The following TXNDC12 variants were observed in gnomAD, a reference collection of about 807,000 sequenced individuals.
TXNDC12 encodes thioredoxin domain-containing protein 12.
In TXNDC12, 22 loss-of-function variants were observed where a neutral mutation model predicts 24.2. The ratio of observed to expected loss-of-function variants is 0.91; its 90% CI spans 0.65 to 1.30. The LOEUF (loss-of-function observed/expected upper bound fraction) is 1.30, where lower values mean the gene tolerates loss of function less well. Ranked by LOEUF, TXNDC12 falls within the 50% of genes most tolerant of loss-of-function variation. The probability of loss-of-function intolerance (pLI) is 0.00; values close to 1 mark genes in which losing one functional copy is unlikely to be tolerated. For missense variants in TXNDC12, 184 were observed against 205.8 expected (o/e 0.89, Z 0.65); for synonymous variants, 58 against 73.4 (o/e 0.79, Z 1.07).
chr1:52,033,651 G>C, intron 2 of TXNDC12: 1 of 1,611,394 alleles, frequency 6.2e-7, no homozygotes, highest in South Asian at 1.1e-5. Context: ...GGACAGCTGC[G>C]TCGTCCACCA....
At chr1:52,038,454 G>A (rs1685924817) in intron 2 of TXNDC12, among the ~76,000 whole-genome samples, 1 of 152,030 alleles carries the variant, frequency 6.6e-6, no homozygotes, top group Non-Finnish European at 1.5e-5. Context: ...GGGATTATAG[G>A]CATGGACCAC....
chr1:52,032,919 T>A (rs781474674), intron 2 of TXNDC12: 1 of 1,610,240 alleles, frequency 6.2e-7, no homozygotes, highest in Non-Finnish European at 8.5e-7. Flanking sequence ...ATCCGGCCAG[T>A]ACTTGACTCG....
intron 6 of TXNDC12, 147 bp from the exon 7 acceptor site, chr1:52,021,159 C>A (rs978414683): frequency 1.6e-6 from 1 of 608,060 alleles, no homozygotes; most frequent in Non-Finnish European, 2.9e-6. Flanking sequence ...TTGGCCCTGG[C>A]AAGTCATTTA....
At chr1:52,033,679 T>A (rs1309853641) in intron 2 of TXNDC12, 1 of 1,610,944 alleles carries the variant, frequency 6.2e-7, no homozygotes, top group South Asian at 1.1e-5. Context: ...CGCGCGGCCC[T>A]CGGCAGCCAG....
At position 52,024,623 on chromosome 1, in the gene TXNDC12, C is replaced by T. The variant is rs75521943; in HGVS notation, c.286-44G>A. On this transcript the variant is annotated intron_variant, in intron 4 of 6. Transcript: ENST00000371626. ...AACCTTAAGTCAGATAACGTCCTCT[C>T]TCTCCTCAAAACCATTCAGTGGCTT... 9.2e-3 allele frequency: 13,806 copies of T among 1,498,842 alleles called. 533 individuals are homozygous for T. In the East Asian group the frequency reaches 0.11, roughly 12 times the overall value. The allele number at this position is 1,498,842 out of a possible 1,614,324, so 92.8% of individuals were successfully genotyped here.
chr1:52,032,981 G>C (rs763939293), intron 2 of TXNDC12: 1 of 1,571,764 alleles, frequency 6.4e-7, no homozygotes, highest in Non-Finnish European at 8.6e-7. Context: ...GGCTGGGACT[G>C]CGTAGACTGA....
chr1:52,031,195 T>C lies in TXNDC12; in HGVS notation c.159-2565A>G, dbSNP rs564076952. ...TTTTTTTTGAGATGGAGTCTCCTTCTGTCACCTAGGCTGGAGTGCAGTGGC... is the reference window on the plus strand; with the variant it reads ...TTTTTTTTGAGATGGAGTCTCCTTCCGTCACCTAGGCTGGAGTGCAGTGGC... On this transcript the variant is annotated intron_variant, in intron 2 of 6. Transcript: ENST00000371626. Among the ~76,000 whole-genome samples the C allele has an allele frequency of 2.1e-4, 31 of 151,102 alleles. 1 individual carries two copies. The highest frequency in any genetic ancestry group is 3.8e-4 in the Non-Finnish European group (26 of 67,816).
Position 52,023,585 on chromosome 1 carries a change from CA to C in TXNDC12, c.356-12del. ...CCTTGCCACTGGGATCTGTTATAGA[CA>C]AAATGACACAGAGTTTTGCAGTAAT... is the stretch of plus-strand genomic sequence containing the variant. On this transcript the variant is annotated splice_polypyrimidine_tract_variant and intron_variant, in intron 5 of 6. Coordinates refer to ENST00000371626, the MANE Select transcript of TXNDC12 (RefSeq NM_015913.4). The C allele has an allele frequency of 6.2e-7, 1 of 1,605,154 alleles. No homozygotes were observed.
At chr1:52,026,912 T>C (rs1685679053) in intron 4 of TXNDC12, among the ~76,000 whole-genome samples, 1 of 152,022 alleles carries the variant, frequency 6.6e-6, no homozygotes. Context: ...GGTGCATGCC[T>C]GTAGTCCCAA....
At chr1:52,049,331 C>T (rs1225171558) in intron 1 of TXNDC12, among the ~76,000 whole-genome samples, 1 of 152,056 alleles carries the variant, frequency 6.6e-6, no homozygotes, top group Non-Finnish European at 1.5e-5. Flanking sequence ...TGTGGCTGGG[C>T]GTGGTGGCTC....
chr1:52,046,759 T>C (rs1686097059), intron 1 of TXNDC12, among the ~76,000 whole-genome samples: 1 of 151,198 alleles, frequency 6.6e-6, no homozygotes, highest in African/African-American at 2.4e-5. Flanking sequence ...GGCTCACGCC[T>C]GTAATCCCAG....
rs984818933 is a variant in TXNDC12, at chr1:52,020,174, A to G, written c.*759T>C. The G allele has an allele frequency of 5.2e-6, 1 of 192,200 alleles. No individual in the cohort carries two copies. The highest frequency in any genetic ancestry group is 1.1e-5 in the Non-Finnish European group (1 of 92,444). 11.9% of individuals were successfully genotyped at this position (192,200 alleles called of 1,614,324 possible). Reference sequence around the variant, plus strand: ...TTAAAGTTTAATGGTACAATATTTTATCTCTTTTTTTGTTAATGCCAGTAC... The same window carrying G: ...TTAAAGTTTAATGGTACAATATTTTGTCTCTTTTTTTGTTAATGCCAGTAC... On this transcript the variant is annotated 3_prime_UTR_variant, in exon 7 of 7. Coordinates refer to ENST00000371626, the MANE Select transcript of TXNDC12 (RefSeq NM_015913.4).
intron 1 of TXNDC12, among the ~76,000 whole-genome samples, chr1:52,049,935 G>T (rs565236274): frequency 4.6e-5 from 7 of 152,156 alleles, no homozygotes; most frequent in African/African-American, 1.4e-4. Context: ...GCTTTTATAT[G>T]TGTTAACTTA....
intron 2 of TXNDC12, chr1:52,033,833 G>A: frequency 6.8e-7 from 1 of 1,470,028 alleles, no homozygotes; most frequent in Non-Finnish European, 9.0e-7. Context: ...GACGTAAGCC[G>A]GAAGTGCAAA....
At chr1:52,048,692 A>G (rs1686143796) in intron 1 of TXNDC12, among the ~76,000 whole-genome samples, 1 of 151,430 alleles carries the variant, frequency 6.6e-6, no homozygotes, top group South Asian at 2.1e-4. Context: ...CCCCATCTCT[A>G]CCAAAAATTT....
chr1:52,030,972 C>G (rs1409090014), intron 2 of TXNDC12, among the ~76,000 whole-genome samples: 1 of 152,132 alleles, frequency 6.6e-6, no homozygotes, highest in Non-Finnish European at 1.5e-5. Flanking sequence ...TGATGGTCCA[C>G]AAAGCCTAAA....
intron 6 of TXNDC12, among the ~76,000 whole-genome samples, chr1:52,021,574 A>AAG (rs1193508868): frequency 2.0e-5 from 3 of 151,662 alleles, no homozygotes; most frequent in African/African-American, 7.3e-5. Context: ...AAAAAAAAAA[A>AAG]AAAAAAAGAG....
intron 1 of TXNDC12, among the ~76,000 whole-genome samples, chr1:52,052,247 T>C (rs968375616): frequency 2.0e-5 from 3 of 152,232 alleles, no homozygotes; most frequent in Non-Finnish European, 2.9e-5. Context: ...TTATCATTCA[T>C]TTCCTCTTTC....
chr1:52,051,790 G>T (rs970441814), intron 1 of TXNDC12: 1 of 169,248 alleles, frequency 5.9e-6, no homozygotes, highest in Non-Finnish European at 1.5e-5. Context: ...CCAGGCCATC[G>T]TCCGGAAACA....
Sources: allele counts gnomAD v4.1 joint callset (sites outside exome capture counted in the v4.1 genomes callset), GRCh38; gene constraint gnomAD v4.1.1; transcripts MANE v1.5; gene names NCBI Gene and HGNC (gene_info 2026-07-23, HGNC 2026-07-21).